CLIC4: variants seen among roughly 807,000 people sequenced by gnomAD.
CLIC4 encodes the protein CLIC family member 4, also known as chloride intracellular channel protein 4.
A neutral mutation model predicts 24.6 loss-of-function variants in CLIC4; 13 were observed. That is an observed-to-expected ratio of 0.53 (90% CI 0.34 to 0.84). The LOEUF is 0.84. CLIC4 is among the 40% of genes least tolerant of loss of function. The probability of loss-of-function intolerance (pLI) is 0.01; values close to 1 mark genes in which losing one functional copy is unlikely to be tolerated. For missense variants in CLIC4, 227 were observed against 301.7 expected (o/e 0.75, Z 1.83); for synonymous variants, 104 against 111.3 (o/e 0.93, Z 0.41).
chr1:24,765,822 T>TC (rs1291438747), intron 1 of CLIC4, among the ~76,000 whole-genome samples: 2 of 149,980 alleles, frequency 1.3e-5, no homozygotes, highest in African/African-American at 4.9e-5. Context: ...TTTCTTTTTT[T>TC]TTTTTTTGAG....
chr1:24,808,273 G>T (rs925128304), intron 2 of CLIC4, among the ~76,000 whole-genome samples: 3 of 152,112 alleles, frequency 2.0e-5, no homozygotes, highest in Admixed American at 2.0e-4. Context: ...ATCCATGGGG[G>T]ATTGGTTCAA....
chr1:24,817,665 C>T (rs181043410), intron 3 of CLIC4, among the ~76,000 whole-genome samples: 221 of 152,310 alleles, frequency 1.5e-3, no homozygotes, highest in Admixed American at 2.5e-3. Context: ...TCTGTATATG[C>T]TGTTTGGCTG....
intron 1 of CLIC4, among the ~76,000 whole-genome samples, chr1:24,768,647 T>C (rs1639034853): frequency 6.6e-6 from 1 of 152,132 alleles, no homozygotes; most frequent in Admixed American, 6.5e-5. Context: ...GTGCGGTGGC[T>C]CACGCCTGTA....
intron 2 of CLIC4, among the ~76,000 whole-genome samples, chr1:24,810,278 T>C (rs926021740): frequency 1.3e-5 from 2 of 152,350 alleles, no homozygotes; most frequent in Middle Eastern, 3.4e-3. Flanking sequence ...ATTTCTACTT[T>C]TTATGTTTGA....
intron 3 of CLIC4, among the ~76,000 whole-genome samples, chr1:24,821,065 G>A (rs1010974840): frequency 6.6e-6 from 1 of 152,042 alleles, no homozygotes; most frequent in Admixed American, 6.6e-5. Context: ...AGTGCCTGTA[G>A]TCCCAGCTAC....
chr1:24,748,593 C>T (rs1235873470), intron 1 of CLIC4, among the ~76,000 whole-genome samples: 1 of 150,060 alleles, frequency 6.7e-6, no homozygotes, highest in Non-Finnish European at 1.5e-5. Context: ...TCACTGCACC[C>T]TCTGCCTCCC....
rs577193327 is a variant in CLIC4, at chr1:24,813,379, A to G, written c.183-715A>G. On this transcript the variant is annotated intron_variant, in intron 2 of 5. Transcript: ENST00000374379. ...TTCTTATTCAGTTTTATATACTTTAAATTTTAGAACCACTTTGATCTCTTT... is the reference window on the plus strand; with the variant it reads ...TTCTTATTCAGTTTTATATACTTTAGATTTTAGAACCACTTTGATCTCTTT... 7.3e-5 allele frequency among the ~76,000 whole-genome samples: 11 copies of G among 150,198 alleles called. No individual in the cohort carries two copies. The East Asian group carries it at 2.2e-3, about 30-fold the overall frequency.
intron 1 of CLIC4, among the ~76,000 whole-genome samples, chr1:24,766,501 T>G (rs1638998608): frequency 2.4e-5 from 2 of 84,108 alleles, no homozygotes; most frequent in Admixed American, 1.3e-4. Flanking sequence ...TTTTTTTTTT[T>G]TTTTTTTTTT....
At chr1:24,791,061 G>A (rs1368916574) in intron 1 of CLIC4, among the ~76,000 whole-genome samples, 3 of 152,010 alleles carry the variant, frequency 2.0e-5, no homozygotes, top group African/African-American at 7.3e-5. Context: ...AGAATAAGTA[G>A]CAAATTAATG....
At chr1:24,822,495 T>G (rs912275600) in intron 3 of CLIC4, among the ~76,000 whole-genome samples, 2 of 151,862 alleles carry the variant, frequency 1.3e-5, no homozygotes, top group Admixed American at 1.3e-4. Flanking sequence ...ATTACAGATG[T>G]GCACCACCAC....
intron 1 of CLIC4, among the ~76,000 whole-genome samples, chr1:24,746,613 C>T (rs1232391012): frequency 6.6e-6 from 1 of 152,144 alleles, no homozygotes; most frequent in Non-Finnish European, 1.5e-5. Flanking sequence ...TCATTCAGAG[C>T]TAGGCAACAT....
intron 2 of CLIC4, among the ~76,000 whole-genome samples, chr1:24,798,801 A>G (rs936816097): frequency 2.7e-5 from 4 of 146,720 alleles, no homozygotes; most frequent in African/African-American, 7.4e-5. Context: ...GATTGCAGGC[A>G]CGCGCCGCCA....
chr1:24,822,748 T>C (rs916463438), intron 3 of CLIC4, among the ~76,000 whole-genome samples: 2 of 152,212 alleles, frequency 1.3e-5, no homozygotes, highest in African/African-American at 2.4e-5. Context: ...AATGTCGCCT[T>C]CTTAGTGGGC....
intron 1 of CLIC4, among the ~76,000 whole-genome samples, chr1:24,787,597 C>T (rs1279109230): frequency 5.9e-5 from 9 of 151,924 alleles, no homozygotes; most frequent in Middle Eastern, 3.4e-3. Flanking sequence ...AGTGCAGTGG[C>T]GCGATCTCTG....
chr1:24,791,711 A>G (rs1272548159), intron 1 of CLIC4, among the ~76,000 whole-genome samples: 1 of 152,170 alleles, frequency 6.6e-6, no homozygotes, highest in Non-Finnish European at 1.5e-5. Context: ...CACTGTCTCT[A>G]ATAAAAATAC....
chr1:24,764,708 G>A (rs556010680), intron 1 of CLIC4, among the ~76,000 whole-genome samples: 19 of 151,562 alleles, frequency 1.3e-4, no homozygotes, highest in African/African-American at 4.6e-4. Context: ...TCACAGAAGG[G>A]CATCTGGATT....
intron 1 of CLIC4, among the ~76,000 whole-genome samples, chr1:24,762,440 A>G (rs756957178): frequency 9.2e-5 from 14 of 152,164 alleles, no homozygotes; most frequent in Non-Finnish European, 1.6e-4. Flanking sequence ...CAAGTGTATG[A>G]GATCATTGTG....
intron 1 of CLIC4, among the ~76,000 whole-genome samples, chr1:24,786,970 G>A (rs1328918661): frequency 6.6e-6 from 1 of 152,012 alleles, no homozygotes; most frequent in Non-Finnish European, 1.5e-5. Flanking sequence ...ACCCAGGCTA[G>A]AGTGCAGTGG....
chr1:24,815,552 G>A (rs1384354825), intron 3 of CLIC4, among the ~76,000 whole-genome samples: 1 of 152,122 alleles, frequency 6.6e-6, no homozygotes, highest in Non-Finnish European at 1.5e-5. Flanking sequence ...AGCCTTCAGC[G>A]AGTCAATCTT....
Sources: allele counts gnomAD v4.1 joint callset (sites outside exome capture counted in the v4.1 genomes callset), GRCh38; gene constraint gnomAD v4.1.1; transcripts MANE v1.5; gene names NCBI Gene and HGNC (gene_info 2026-07-23, HGNC 2026-07-21).